AARS1: variants seen among roughly 807,000 people sequenced by gnomAD.
AARS1 encodes the protein alanyl-tRNA synthetase 1, also known as alanine--tRNA ligase, cytoplasmic.
In AARS1, 72 loss-of-function variants were observed where a neutral mutation model predicts 108.9. That is an observed-to-expected ratio of 0.66 (90% CI 0.55 to 0.80). AARS1 has a LOEUF of 0.80. Ranked by LOEUF, AARS1 falls within the 30% of genes least tolerant of loss-of-function variation. AARS1 has a pLI of 0.00. For missense variants in AARS1, 1,193 were observed against 1,233.2 expected, an observed-to-expected ratio of 0.97 and a Z score of 0.49; for synonymous variants, 489 against 465.7, an observed-to-expected ratio of 1.05 and a Z score of -0.64.
intron 1 of AARS1, among the ~76,000 whole-genome samples, chr16:70,286,362 A>ATTTTTTTTT (rs1000406265): frequency 8.5e-6 from 1 of 117,106 alleles, no homozygotes; most frequent in African/African-American, 3.4e-5. Flanking sequence ...CTCCACAGGA[A>ATTTTTTTTT]TTTTTTTTTT....
chr16:70,265,709 T>C (rs1209589956), intron 9 of AARS1, 47 bp from the exon 10 acceptor site: 1 of 1,609,084 alleles, frequency 6.2e-7, no homozygotes. Flanking sequence ...ACAGCCCCTT[T>C]TCCATGCCAA....
chr16:70,285,292 G>A (rs1275133356), intron 1 of AARS1, among the ~76,000 whole-genome samples: 1 of 151,732 alleles, frequency 6.6e-6, no homozygotes, highest in Non-Finnish European at 1.5e-5. Context: ...AAGTTGTTTA[G>A]CTGAAAGTTT....
At chr16:70,269,099 G>A (rs1038359444) in intron 7 of AARS1, among the ~76,000 whole-genome samples, 19 of 151,624 alleles carry the variant, frequency 1.3e-4, no homozygotes, top group African/African-American at 2.2e-4. Flanking sequence ...CGAGGCGGGC[G>A]GATCACCTGA....
chr16:70,275,403 CAGG>C (rs1960515439), intron 4 of AARS1, among the ~76,000 whole-genome samples: 1 of 151,932 alleles, frequency 6.6e-6, no homozygotes, highest in Admixed American at 6.6e-5. Context: ...ATCACGAGGT[CAGG>C]AGATCGAGAT....
In AARS1 at chr16:70,282,627, A is replaced by C. The variant is rs770356727; in HGVS notation, c.137T>G (p.Met46Arg). ...AAAAGGAAAAACCCTTACCTGGTTC[A>C]TGCCTGCATTGGCAAAGAGCAAAGT... ...DPTLLFANAGMNQFKPIFLNT... is the reference protein window; with the variant it reads ...DPTLLFANAGRNQFKPIFLNT... The change falls in exon 2 of 21, where the codon ATG becomes AGG. Residue 46 changes from methionine (M) to arginine (R), a missense_variant. Physicochemically the swap from Met to Arg is moderately conservative, Grantham distance 91. Coordinates refer to ENST00000261772, the MANE Select transcript of AARS1 (RefSeq NM_001605.3). 6.2e-7 allele frequency: 1 copy of C among 1,614,196 alleles called. No individual in the cohort carries two copies. The highest frequency in any genetic ancestry group is 8.5e-7 in the Non-Finnish European group (1 of 1,180,042).
In AARS1 at chr16:70,253,726, G is replaced by A. The variant is rs751781504; in HGVS notation, c.2595C>T (p.Gly865=). The A allele has an allele frequency of 1.9e-6, 3 of 1,613,912 alleles. No homozygotes were observed. Among genetic ancestry groups the A allele is most frequent in the South Asian group, 1.1e-5 (1 of 91,082 alleles). Residue 865 remains glycine (G), a synonymous_variant, in exon 19 of 21, where the codon GGC becomes GGT. Transcript: ENST00000261772. ...GCCCCTGGGTTGCCTTGGCTGAGGCGCCGCTCTCCATCTCCAGGATGACAA... is the reference window on the plus strand; with the variant it reads ...GCCCCTGGGTTGCCTTGGCTGAGGCACCGCTCTCCATCTCCAGGATGACAA... ...QPLVILEMES[G]ASAKALNEAL...
At chr16:70,258,895 C>G (rs985951789) in intron 14 of AARS1, 85 bp downstream of exon 14, 14 of 1,442,130 alleles carry the variant, frequency 9.7e-6, no homozygotes, top group Non-Finnish European at 1.4e-5. Flanking sequence ...TCTGATACAA[C>G]AGAGTGAGAG....
chr16:70,255,641 C>A, intron 16 of AARS1, 87 bp downstream of exon 16: 1 of 1,207,056 alleles, frequency 8.3e-7, no homozygotes, highest in Non-Finnish European at 1.2e-6. Context: ...GCAGCAGCCA[C>A]GCAGAGCAGT....
intron 7 of AARS1, 111 bp downstream of exon 7, chr16:70,269,507 C>T: frequency 6.7e-7 from 1 of 1,497,480 alleles, no homozygotes. Context: ...GTACTCCAGC[C>T]TGGGCAACAG....
intron 15 of AARS1, among the ~76,000 whole-genome samples, chr16:70,257,205 C>T (rs562129521): frequency 7.6e-4 from 115 of 151,392 alleles, no homozygotes; most frequent in South Asian, 2.9e-3. Flanking sequence ...GCCAAGATTG[C>T]GCCATTGCAC....
chr16:70,273,976 G>A (rs111783220), intron 4 of AARS1, among the ~76,000 whole-genome samples: 1 of 151,044 alleles, frequency 6.6e-6, no homozygotes, highest in Non-Finnish European at 1.5e-5. Context: ...AGTAAACTAT[G>A]ATTATGCCAC....
rs1597436830 is a variant in AARS1 at position 70,260,855 on chromosome 16, G to A, written c.1785+189C>T. ...TTTTTTATATTTTTAGTAGAGACGG[G>A]GTTTCACCGTGTTAGCCAGGATGGT... is the stretch of plus-strand genomic sequence containing the variant. On this transcript the variant is annotated intron_variant, in intron 13 of 20. Transcript: ENST00000261772. Among the ~76,000 whole-genome samples the A allele has an allele frequency of 2.0e-5, 3 of 152,110 alleles. No homozygotes were observed. The Middle Eastern group carries it at 0.01, about 517-fold the overall frequency.
Position 70,269,046 on chromosome 16 carries a change from G to A in AARS1, c.962+572C>T, listed in dbSNP as rs796830106. 1.6e-4 allele frequency among the ~76,000 whole-genome samples: 25 copies of A among 152,140 alleles called. 1 individual carries two copies. Among genetic ancestry groups the A allele is most frequent in the African/African-American group, 5.5e-4 (23 of 41,516 alleles). ...ACATGGCAAAACCCCACCTCTGGCC[G>A]GGCACGGTGGCTCACGCCTGTAATC... On this transcript the variant is annotated intron_variant, in intron 7 of 20. Coordinates refer to ENST00000261772, the MANE Select transcript of AARS1 (RefSeq NM_001605.3).
At chr16:70,253,879 C>T in intron 18 of AARS1, 40 bp downstream of exon 18, 1 of 1,614,220 alleles carries the variant, frequency 6.2e-7, no homozygotes, top group South Asian at 1.1e-5. Context: ...CCAGCCTTTG[C>T]CTAGGAAACA....
At position 70,271,184 on chromosome 16, in the gene AARS1, A is replaced by G. The variant is rs545722427; in HGVS notation, c.671+597T>C. On this transcript the variant is annotated intron_variant, in intron 5 of 20. Transcript: ENST00000261772. ...AGCAAGACTCCATCTCCAAAAACAA[A>G]AACAAAAACAAAAACAAAACTGAGG... Among the ~76,000 whole-genome samples the G allele has an allele frequency of 2.6e-5, 4 of 151,128 alleles. No individual in the cohort carries two copies. The South Asian group carries it at 8.3e-4, about 31-fold the overall frequency.
chr16:70,273,667 C>A (rs1200031523), intron 4 of AARS1, among the ~76,000 whole-genome samples: 1 of 151,694 alleles, frequency 6.6e-6, no homozygotes, highest in Non-Finnish European at 1.5e-5. Flanking sequence ...TCGAGACCAT[C>A]CTGGCTGACA....
At chr16:70,268,589 G>T (rs1960321436) in intron 7 of AARS1, among the ~76,000 whole-genome samples, 1 of 152,182 alleles carries the variant, frequency 6.6e-6, no homozygotes, top group Non-Finnish European at 1.5e-5. Flanking sequence ...GTAAACGCTG[G>T]TTTGTTTTCC....
At chr16:70,282,869 C>CAG in intron 1 of AARS1, 85 bp from the exon 2 acceptor site, 3 of 1,353,144 alleles carry the variant, frequency 2.2e-6, no homozygotes, top group South Asian at 1.2e-5. Context: ...CTTCTCAAGC[C>CAG]AAGTCAAAGC....
intron 17 of AARS1, 118 bp from the exon 18 acceptor site, chr16:70,254,156 G>A: frequency 7.0e-7 from 1 of 1,425,612 alleles, no homozygotes; most frequent in Non-Finnish European, 9.8e-7. Context: ...GGAAAGCAAG[G>A]AAAGCTTTGA....
Sources: gnomAD v4.1 joint callset for allele counts (sites outside exome capture counted in the v4.1 genomes callset) on GRCh38, gnomAD v4.1.1 for gene constraint, MANE v1.5 for transcripts, NCBI Gene and HGNC (gene_info 2026-07-23, HGNC 2026-07-21) for gene names.